CEP85L: variants seen among roughly 807,000 people sequenced by gnomAD.
CEP85L encodes the protein centrosomal protein of 85 kDa-like.
Under a neutral mutation model 100.3 loss-of-function variants are expected in CEP85L, and 60 were observed. The ratio of observed to expected loss-of-function variants is 0.60; its 90% confidence interval spans 0.49 to 0.74. The LOEUF (loss-of-function observed/expected upper bound fraction) is 0.74, where lower values mean the gene tolerates loss of function less well. Ranked by LOEUF, CEP85L falls within the 30% of genes least tolerant of loss-of-function variation. The probability of loss-of-function intolerance (pLI) is 0.00; values close to 1 mark genes in which losing one functional copy is unlikely to be tolerated. For missense variants in CEP85L, 973 were observed against 936.2 expected (o/e 1.04, Z -0.51); for synonymous variants, 319 against 322.7 (o/e 0.99, Z 0.12).
chr6:118,489,612 C>T (rs146063859), intron 6 of CEP85L, among the ~76,000 whole-genome samples: 1 of 152,058 alleles, frequency 6.6e-6, no homozygotes. Flanking sequence ...GCCTGTTAGG[C>T]TGGCCATCTT....
intron 1 of CEP85L, among the ~76,000 whole-genome samples, chr6:118,659,285 G>A (rs1040450709): frequency 2.0e-5 from 3 of 152,092 alleles, no homozygotes; most frequent in East Asian, 3.8e-4. Flanking sequence ...TGCTGTGGAT[G>A]ATGACAAAAG....
intron 5 of CEP85L, among the ~76,000 whole-genome samples, chr6:118,506,817 A>G (rs9489421): frequency 0.71 from 107,834 of 152,086 alleles, 38,961 homozygotes; most frequent in African/African-American, 0.75. Flanking sequence ...CATCTTTTCA[A>G]CCTTTATCTG....
intron 1 of CEP85L, among the ~76,000 whole-genome samples, chr6:118,637,703 C>CAAAAA (rs11388747): frequency 0.26 from 11,662 of 45,276 alleles, 2,489 homozygotes; most frequent in Non-Finnish European, 0.32. Context: ...AAGACTGTCT[C>CAAAAA]AAAAAAAAAA....
intron 1 of CEP85L, among the ~76,000 whole-genome samples, chr6:118,669,903 C>T (rs890373454): frequency 6.6e-6 from 1 of 150,416 alleles, no homozygotes; most frequent in Admixed American, 6.7e-5. Flanking sequence ...CCCATAAGCT[C>T]TCTGGGCCCC....
At chr6:118,673,260 G>A (rs1254609915) in intron 1 of CEP85L, among the ~76,000 whole-genome samples, 1 of 152,102 alleles carries the variant, frequency 6.6e-6, no homozygotes, top group Non-Finnish European at 1.5e-5. Flanking sequence ...CTGAAAGAAT[G>A]GTTCTGATTC....
chr6:118,702,239 A>C (rs147084969), intron 1 of CEP85L, among the ~76,000 whole-genome samples: 182 of 152,266 alleles, frequency 1.2e-3, no homozygotes, highest in African/African-American at 4.1e-3. Flanking sequence ...GGCTGGACAC[A>C]GTGGCTCACG....
intron 1 of CEP85L, among the ~76,000 whole-genome samples, chr6:118,641,687 G>A (rs1774884624): frequency 6.6e-6 from 1 of 152,042 alleles, no homozygotes; most frequent in Non-Finnish European, 1.5e-5. Context: ...CTCACAAAAT[G>A]GATTTGTGGC....
intron 1 of CEP85L, among the ~76,000 whole-genome samples, chr6:118,691,532 T>C (rs1185855326): frequency 2.8e-5 from 2 of 70,572 alleles, no homozygotes; most frequent in African/African-American, 6.2e-5. Flanking sequence ...AAACTCCATC[T>C]CAAAAAAAAA....
At position 118,611,214 on chromosome 6, in the gene CEP85L, CTT is replaced by C. The variant is rs1427486266; in HGVS notation, c.232+21237_232+21238del. Among the ~76,000 whole-genome samples, 8 of 152,160 alleles carry C rather than the reference CTT, an allele frequency of 5.3e-5. No individual in the cohort carries two copies. The South Asian group carries it at 8.3e-4, about 16-fold the overall frequency. The stretch of plus-strand genomic sequence containing the variant: ...GTATGTAGAGGAAATATGTGAAACT[CTT>C]TTATCATAAATGAGGGACGGTAAAG... On this transcript the variant is annotated intron_variant, in intron 2 of 12. Transcript: ENST00000368491.
intron 2 of CEP85L, chr6:118,589,254 G>GTA (rs541456904): frequency 1.5e-3 from 341 of 226,240 alleles, no homozygotes; most frequent in African/African-American, 7.6e-3. Flanking sequence ...ACTAAACTAG[G>GTA]TCTCTAGGCC....
chr6:118,665,867 T>C (rs1776117302), intron 1 of CEP85L, among the ~76,000 whole-genome samples: 1 of 152,144 alleles, frequency 6.6e-6, no homozygotes, highest in African/African-American at 2.4e-5. Flanking sequence ...ACATTCTGTT[T>C]TCCTACACAG....
chr6:118,563,614 T>C (rs1483180410), intron 3 of CEP85L, among the ~76,000 whole-genome samples: 1 of 152,136 alleles, frequency 6.6e-6, no homozygotes, highest in African/African-American at 2.4e-5. Flanking sequence ...TTTCTATGAT[T>C]TTTATCTTTT....
chr6:118,552,216 G>C (rs1360494617), intron 3 of CEP85L, among the ~76,000 whole-genome samples: 2 of 151,940 alleles, frequency 1.3e-5, no homozygotes, highest in African/African-American at 2.4e-5. Context: ...ATTAAAAGGA[G>C]AAAAGCAAAA....
At position 118,470,598 on chromosome 6, in the gene CEP85L, A is replaced by C; in HGVS notation, c.1961T>G (p.Met654Arg). Residue 654 changes from methionine (M) to arginine (R), a missense_variant, in exon 11 of 13, where the codon ATG becomes AGG. Met to Arg is a moderately conservative substitution (Grantham distance 91). Transcript: ENST00000368491. Reference sequence around the variant, plus strand: ...TTCTTTCTTTTCCAGCTCTTCCATCATCTTTTGAGTGGTCAGTTTCTCTTT... The same window carrying C: ...TTCTTTCTTTTCCAGCTCTTCCATCCTCTTTTGAGTGGTCAGTTTCTCTTT... Reference protein sequence around the residue: ...LSKEKLTTQKMMEELEKKERN... With the variant: ...LSKEKLTTQKRMEELEKKERN... The C allele has an allele frequency of 6.2e-7, 1 of 1,607,680 alleles. No homozygotes were observed. Among genetic ancestry groups the C allele is most frequent in the Middle Eastern group, 1.7e-4 (1 of 6,034 alleles).
At chr6:118,647,088 C>T in intron 1 of CEP85L, 1 of 984,662 alleles carries the variant, frequency 1.0e-6, no homozygotes, top group Non-Finnish European at 1.2e-6. Context: ...AGTTATGTTT[C>T]ATTGTTACCA....
intron 5 of CEP85L, chr6:118,502,134 G>T: frequency 2.6e-6 from 3 of 1,156,130 alleles, no homozygotes; most frequent in Non-Finnish European, 3.7e-6. Flanking sequence ...GAAGACTTCA[G>T]TCTGGAGTGA....
At chr6:118,473,955 T>A (rs1328750658) in intron 10 of CEP85L, among the ~76,000 whole-genome samples, 1 of 152,196 alleles carries the variant, frequency 6.6e-6, no homozygotes, top group Non-Finnish European at 1.5e-5. Flanking sequence ...GAGCCTTTTT[T>A]AATGTTTCTA....
intron 2 of CEP85L, among the ~76,000 whole-genome samples, chr6:118,596,097 T>C (rs1230099519): frequency 6.6e-6 from 1 of 152,134 alleles, no homozygotes; most frequent in African/African-American, 2.4e-5. Flanking sequence ...GTTTGGAATT[T>C]AGCTAGCATA....
intron 3 of CEP85L, among the ~76,000 whole-genome samples, chr6:118,533,129 C>T (rs946892033): frequency 2.0e-5 from 3 of 151,714 alleles, no homozygotes; most frequent in Non-Finnish European, 4.4e-5. Flanking sequence ...GACAAGAAGG[C>T]TGAGAACAAA....
Sources: allele counts gnomAD v4.1 joint callset (sites outside exome capture counted in the v4.1 genomes callset), GRCh38; gene constraint gnomAD v4.1.1; transcripts MANE v1.5; gene names NCBI Gene and HGNC (gene_info 2026-07-23, HGNC 2026-07-21).